Variants in KIAA1671 observed in about 807,000 individuals in gnomAD.
The protein encoded by KIAA1671 is KIAA1671, also known as uncharacterized protein KIAA1671.
KIAA1671 carries 52 observed loss-of-function variants against 131.2 expected under a neutral mutation model. That is an observed-to-expected ratio of 0.40 (90% confidence interval 0.32 to 0.50). The LOEUF is 0.50. KIAA1671 is among the 20% of genes least tolerant of loss of function. The probability of loss-of-function intolerance (pLI) is 0.73; values close to 1 mark genes in which losing one functional copy is unlikely to be tolerated. For missense variants in KIAA1671, 2,360 were observed against 2,364.2 expected, an observed-to-expected ratio of 1.00 and a Z score of 0.04; for synonymous variants, 1,003 against 961.6, an observed-to-expected ratio of 1.04 and a Z score of -0.80.
intron 1 of KIAA1671, among the ~76,000 whole-genome samples, chr22:24,967,042 G>T (rs975088193): frequency 6.6e-6 from 1 of 152,168 alleles, no homozygotes; most frequent in Admixed American, 6.5e-5. Context: ...GTGTGTTCTT[G>T]AGTATACCCC....
In KIAA1671 at chr22:25,040,438, T is replaced by C; in HGVS notation, c.3308T>C (p.Leu1103Pro). 6.4e-7 allele frequency: 1 copy of C among 1,552,038 alleles called. No homozygotes were observed. Among genetic ancestry groups the C allele is most frequent in the Admixed American group, 2.0e-5 (1 of 51,004 alleles). The part of the protein sequence containing the change: ...EHENASILKT[L>P]KPTDRPSSLG... ...GAAAATGCAAGCATTTTAAAAACTC[T>C]GAAGCCAACAGACCGTCCATCATCT... Residue 1103 changes from leucine (L) to proline (P), a missense_variant, in exon 5 of 13, where the codon CTG becomes CCG. By Grantham distance (98) the Leu-to-Pro change is moderately conservative. Around this residue, in one of 3 missense-constraint regions of KIAA1671, gnomAD observed 1,161 missense variants for 1,204.7 expected, o/e 0.96. Transcript: ENST00000358431.
At chr22:25,136,002 C>G (rs982650826) in intron 6 of KIAA1671, among the ~76,000 whole-genome samples, 15 of 152,346 alleles carry the variant, frequency 9.8e-5, no homozygotes, top group African/African-American at 3.6e-4. Flanking sequence ...GTGGCTTGCC[C>G]AAGGTCACAC....
At chr22:25,029,909 G>A (rs1175709155) in intron 3 of KIAA1671, among the ~76,000 whole-genome samples, 2 of 152,226 alleles carry the variant, frequency 1.3e-5, no homozygotes, top group African/African-American at 4.8e-5. Flanking sequence ...CCATAGCTAA[G>A]CCTTTCTTCC....
At position 25,097,629 on chromosome 22, in the gene KIAA1671, A is replaced by T. The variant is rs550639847; in HGVS notation, c.4530+48265A>T. 4.7e-4 allele frequency among the ~76,000 whole-genome samples: 72 copies of T among 151,918 alleles called. 2 individuals are homozygous for T. The South Asian group carries it at 0.015, about 31-fold the overall frequency. On this transcript the variant is annotated intron_variant, in intron 6 of 12. Transcript: ENST00000358431. ...ATGGCGGGTGCCTGTAGTCCCAGCT[A>T]CTCGGGAGGCTGAGGCAGGAGAATG...
chr22:25,025,095 C>A, intron 1 of KIAA1671, among the ~76,000 whole-genome samples: 1 of 74,696 alleles, frequency 1.3e-5, no homozygotes, highest in African/African-American at 6.6e-5. Context: ...ATGTAGCTAC[C>A]AAGTGAAGCA....
chr22:25,174,304 T>C lies in KIAA1671; in HGVS notation c.4714T>C (p.Leu1572=), dbSNP rs1020828431. The C allele has an allele frequency of 6.4e-7, 1 of 1,551,484 alleles. No individual in the cohort carries two copies. The highest frequency in any genetic ancestry group is 8.7e-7 in the Non-Finnish European group (1 of 1,146,906). The change falls in exon 8 of 13, where the codon TTG becomes CTG. Residue 1572 remains leucine (L), a synonymous_variant. Coordinates refer to ENST00000358431, the MANE Select transcript of KIAA1671 (RefSeq NM_001145206.2). ...AAGGAAACAGCCCCCCAGCAGCCGTTTGTCTTCTCTGTCCTCCCAAACGGA... is the reference window on the plus strand; with the variant it reads ...AAGGAAACAGCCCCCCAGCAGCCGTCTGTCTTCTCTGTCCTCCCAAACGGA... ...STRKQPPSSR[L]SSLSSQTEPT...
chr22:24,987,958 T>C (rs778335573), intron 1 of KIAA1671, among the ~76,000 whole-genome samples: 2 of 152,122 alleles, frequency 1.3e-5, no homozygotes, highest in African/African-American at 2.4e-5. Flanking sequence ...AGGGGGTCCA[T>C]CTGCAGCATC....
chr22:25,130,441 A>G (rs187317415), intron 6 of KIAA1671, among the ~76,000 whole-genome samples: 4 of 152,338 alleles, frequency 2.6e-5, no homozygotes, highest in African/African-American at 7.2e-5. Flanking sequence ...CTTCATGCCA[A>G]TTGTACTACT....
At chr22:24,994,180 C>A (rs565708084) in intron 1 of KIAA1671, among the ~76,000 whole-genome samples, 184 of 152,248 alleles carry the variant, frequency 1.2e-3, no homozygotes, top group African/African-American at 4.2e-3. Flanking sequence ...GGGTGTGTCT[C>A]CCCACTGTGT....
At chr22:24,959,127 C>T (rs1438545854) in intron 1 of KIAA1671, among the ~76,000 whole-genome samples, 1 of 151,820 alleles carries the variant, frequency 6.6e-6, no homozygotes, top group Non-Finnish European at 1.5e-5. Flanking sequence ...TGCACCACTG[C>T]ACTTTAGCCT....
chr22:25,136,192 T>A (rs1437031420), intron 6 of KIAA1671, among the ~76,000 whole-genome samples: 1 of 152,200 alleles, frequency 6.6e-6, no homozygotes, highest in Non-Finnish European at 1.5e-5. Context: ...TCTACCCTGC[T>A]TCATGTGCCT....
At chr22:25,033,563 G>C (rs1178154441) in intron 4 of KIAA1671, among the ~76,000 whole-genome samples, 5 of 124,320 alleles carry the variant, frequency 4.0e-5, no homozygotes, top group Non-Finnish European at 8.5e-5. Context: ...TTTTTTGGTT[G>C]GTTTGTTTTC....
intron 6 of KIAA1671, among the ~76,000 whole-genome samples, chr22:25,161,380 A>G (rs374408096): frequency 6.6e-6 from 1 of 152,248 alleles, no homozygotes; most frequent in South Asian, 2.1e-4. Flanking sequence ...AGGAGCTGAC[A>G]TCAGTGTGCC....
chr22:25,179,430 A>G (rs1934182174), intron 9 of KIAA1671: 9 of 1,613,142 alleles, frequency 5.6e-6, no homozygotes, highest in South Asian at 2.2e-5. Flanking sequence ...GCTGAGCTCC[A>G]TTTGTAGTTG....
chr22:25,013,988 C>G (rs1287499541), intron 1 of KIAA1671: 1 of 152,178 alleles, frequency 6.6e-6, no homozygotes, highest in Non-Finnish European at 1.5e-5. Flanking sequence ...GAGGTGTTTT[C>G]CTTACGTGTG....
At chr22:25,083,399 A>C (rs757225915) in intron 6 of KIAA1671, among the ~76,000 whole-genome samples, 2 of 150,338 alleles carry the variant, frequency 1.3e-5, no homozygotes, top group Non-Finnish European at 2.9e-5. Flanking sequence ...CCTTTGATGT[A>C]CTAGGGGGTT....
Position 25,017,359 on chromosome 22 carries a change from G to C in KIAA1671, c.-207-8274G>C, listed in dbSNP as rs1334097730. ...GATTGCGCCACTGCACTCCAGCCTG[G>C]GCGACAGAGCAAGACTCCATCTCAA... On this transcript the variant is annotated intron_variant, in intron 1 of 12. Coordinates refer to ENST00000358431, the MANE Select transcript of KIAA1671 (RefSeq NM_001145206.2). 2.0e-5 allele frequency among the ~76,000 whole-genome samples: 3 copies of C among 152,274 alleles called. No homozygotes were observed. The East Asian group carries it at 5.8e-4, about 29-fold the overall frequency.
chr22:25,190,350 G>A lies in KIAA1671; in HGVS notation c.5343-352G>A, dbSNP rs1461283292. Among the ~76,000 whole-genome samples, 3 of 152,330 alleles carry A rather than the reference G, an allele frequency of 2.0e-5. No homozygotes were observed. The East Asian group carries it at 5.8e-4, about 29-fold the overall frequency. ...TGCTCTGACAGGACGCAGAGATCAG[G>A]TGGAATGTGAGTGATGGAGCAGCTG... On this transcript the variant is annotated intron_variant, in intron 11 of 12. Coordinates refer to ENST00000358431, the MANE Select transcript of KIAA1671 (RefSeq NM_001145206.2).
intron 1 of KIAA1671, among the ~76,000 whole-genome samples, chr22:25,020,626 G>A (rs975620024): frequency 6.6e-6 from 1 of 152,168 alleles, no homozygotes; most frequent in Non-Finnish European, 1.5e-5. Flanking sequence ...GGGGAAGCAG[G>A]AAGTGAGATA....
Sources: allele counts gnomAD v4.1 joint callset (sites outside exome capture counted in the v4.1 genomes callset), GRCh38; gene constraint gnomAD v4.1.1; regional missense constraint gnomAD v4.1.1; transcripts MANE v1.5; gene names NCBI Gene and HGNC (gene_info 2026-07-23, HGNC 2026-07-21).